The following FAT1 variants were observed in gnomAD, a reference collection of about 807,000 sequenced individuals.
FAT1 encodes FAT atypical cadherin 1, also known as protocadherin Fat 1.
In FAT1, 171 loss-of-function variants were observed where a neutral mutation model predicts 329.8. That is an observed-to-expected ratio of 0.52 (90% CI 0.46 to 0.59). The LOEUF (loss-of-function observed/expected upper bound fraction) is 0.59, where lower values mean the gene tolerates loss of function less well. FAT1 is among the 20% of genes least tolerant of loss of function. The pLI, the probability that FAT1 is intolerant of heterozygous loss-of-function variation, is 0.00. For synonymous variants in FAT1, 2,233 were observed against 2,228.6 expected (o/e 1.00, Z -0.06); for missense variants, 5,672 against 5,774.4 (o/e 0.98, Z 0.57).
At chr4:186,642,238 TA>T (rs1462123486) in intron 3 of FAT1, among the ~76,000 whole-genome samples, 1 of 152,166 alleles carries the variant, frequency 6.6e-6, no homozygotes, top group Non-Finnish European at 1.5e-5. Flanking sequence ...TTTAAACTTT[TA>T]AACTCACTGC....
At chr4:186,604,915 G>C (rs1579304770) in intron 17 of FAT1, among the ~76,000 whole-genome samples, 1 of 151,752 alleles carries the variant, frequency 6.6e-6, no homozygotes, top group African/African-American at 2.4e-5. Flanking sequence ...GAAGAGGACT[G>C]GAGGAGAAAA....
chr4:186,606,006 ACAGAGGCCAATGGAAAAGCT>A, intron 17 of FAT1, 44 bp downstream of exon 17: 1 of 1,479,188 alleles, frequency 6.8e-7, no homozygotes, highest in Non-Finnish European at 9.2e-7. Context: ...AAGAAAAGCA[ACAGAGGCCAATGGAAAAGCT>A]CATTTCAAAG....
chr4:186,660,209 A>C (rs191707226), intron 3 of FAT1, among the ~76,000 whole-genome samples: 29 of 152,066 alleles, frequency 1.9e-4, no homozygotes, highest in Non-Finnish European at 3.4e-4. Flanking sequence ...CAGCCTTCAC[A>C]ATCAGGCCGC....
rs535274560 is a variant in FAT1 at position 186,616,571 on chromosome 4, G to A, written c.9075+434C>T. 1.1e-3 allele frequency among the ~76,000 whole-genome samples: 168 copies of A among 152,084 alleles called. 1 individual carries two copies. The highest frequency in any genetic ancestry group is 2.5e-3 in the Admixed American group (39 of 15,298). On this transcript the variant is annotated intron_variant, in intron 11 of 26. Transcript: ENST00000441802. Reference sequence around the variant, plus strand: ...GTCTACTTTTAGTTCCCACTGAATGGTGAGCCGCGCAGATGCAGGAAGCAC... The same window carrying A: ...GTCTACTTTTAGTTCCCACTGAATGATGAGCCGCGCAGATGCAGGAAGCAC...
intron 17 of FAT1, among the ~76,000 whole-genome samples, chr4:186,605,749 A>G (rs1027657995): frequency 4.1e-5 from 6 of 146,936 alleles, no homozygotes; most frequent in African/African-American, 1.2e-4. Context: ...CTAGAAGAAG[A>G]GCAAGAGGGA....
At chr4:186,594,618 A>G (rs1165671046) in intron 26 of FAT1, among the ~76,000 whole-genome samples, 3 of 143,882 alleles carry the variant, frequency 2.1e-5, no homozygotes, top group Admixed American at 2.1e-4. Context: ...TATATACGGT[A>G]TCAAAATATA....
chr4:186,622,084 C>T (rs1275944585), intron 9 of FAT1, among the ~76,000 whole-genome samples: 1 of 152,226 alleles, frequency 6.6e-6, no homozygotes, highest in African/African-American at 2.4e-5. Context: ...AAAGACAAGG[C>T]TATCCTTCCA....
rs1158066949 is a variant in FAT1 at position 186,618,994 on chromosome 4, A to G, written c.7592T>C (p.Ile2531Thr). The change falls in exon 10 of 27, where the codon ATT becomes ACT. Residue 2531 changes from isoleucine (I) to threonine (T), a missense_variant. By Grantham distance (89) the Ile-to-Thr change is moderately conservative. Transcript: ENST00000441802. ...SGIYGHVTYH[I>T]VNDFAKDRFY... ...TCTGTCTTTGGCAAAGTCATTTACA[A>G]TATGGTAAGTAACGTGACCATAAAT... 1.2e-6 allele frequency: 2 copies of G among 1,614,004 alleles called. No homozygotes were observed. Among genetic ancestry groups the G allele is most frequent in the Admixed American group, 3.3e-5 (2 of 60,032 alleles).
rs1388942195 is a variant in FAT1, at chr4:186,620,483, T to C, written c.6103A>G (p.Thr2035Ala). The C allele has an allele frequency of 2.5e-6, 4 of 1,613,890 alleles. No homozygotes were observed. Among genetic ancestry groups the C allele is most frequent in the Non-Finnish European group, 3.4e-6 (4 of 1,179,894 alleles). ...TGCTCACGATCGAAGGGCGTGCCAGTGGTTGACAGAACTCCTGAAGTGCGG... is the reference window on the plus strand; with the variant it reads ...TGCTCACGATCGAAGGGCGTGCCAGCGGTTGACAGAACTCCTGAAGTGCGG... ...ISRTSGVLSTTGTPFDREQQE... is the reference protein window; with the variant it reads ...ISRTSGVLSTAGTPFDREQQE... Residue 2035 changes from threonine to alanine, a missense_variant, in exon 10 of 27, where the codon ACT (threonine) becomes GCT (alanine). Transcript: ENST00000441802.
chr4:186,598,602 T>A lies in FAT1; in HGVS notation c.12104-477A>T, dbSNP rs1019270065. The A allele has an allele frequency of 1.4e-4, 22 of 152,628 alleles. 2 individuals carry two copies. The highest frequency in any genetic ancestry group is 1.0e-3 in the Admixed American group (16 of 15,314). The allele number at this position is 152,628 out of a possible 1,614,324, so 9.5% of individuals were successfully genotyped here. A position where few individuals can be genotyped will look rare whatever the true frequency, so the allele number is the denominator to read the frequency against. ...TGGAGTGCAGTGGCGCAATCTCAGC[T>A]CATTGCATCCTCAAACTCCCGGGCT... On this transcript the variant is annotated intron_variant, in intron 22 of 26. Coordinates refer to ENST00000441802, the MANE Select transcript of FAT1 (RefSeq NM_005245.4).
chr4:186,649,172 T>C (rs1741513575), intron 3 of FAT1, among the ~76,000 whole-genome samples: 1 of 151,804 alleles, frequency 6.6e-6, no homozygotes, highest in African/African-American at 2.4e-5. Context: ...CTTCAACTGC[T>C]TATTAAGTCC....
At chr4:186,603,104 T>C (rs1248211045) in intron 19 of FAT1, 70 bp from the exon 20 acceptor site, 21 of 1,610,178 alleles carry the variant, frequency 1.3e-5, no homozygotes, top group East Asian at 2.2e-5. Context: ...CTTTCATGTA[T>C]AGCCATCAAA....
chr4:186,667,348 T>C (rs1742497857), intron 2 of FAT1, among the ~76,000 whole-genome samples: 1 of 152,182 alleles, frequency 6.6e-6, no homozygotes, highest in African/African-American at 2.4e-5. Context: ...CTACGGATAT[T>C]ACTAAAGGTT....
intron 3 of FAT1, among the ~76,000 whole-genome samples, chr4:186,656,053 G>C (rs191816471): frequency 6.6e-6 from 1 of 152,382 alleles, no homozygotes; most frequent in East Asian, 1.9e-4. Context: ...GGCCATACGG[G>C]ACCATGCCAG....
At chr4:186,639,451 C>T (rs1013566900) in intron 4 of FAT1, among the ~76,000 whole-genome samples, 1 of 152,138 alleles carries the variant, frequency 6.6e-6, no homozygotes, top group African/African-American at 2.4e-5. Flanking sequence ...CTGTTCGCCC[C>T]CTGTGTGTGC....
At chr4:186,704,231 A>T (rs1251650223) in intron 2 of FAT1, among the ~76,000 whole-genome samples, 5 of 152,252 alleles carry the variant, frequency 3.3e-5, no homozygotes, top group East Asian at 3.9e-4. Context: ...CACTGCCCAC[A>T]ATCCCAACAC....
intron 26 of FAT1, among the ~76,000 whole-genome samples, chr4:186,595,380 C>T (rs1174940324): frequency 6.6e-6 from 1 of 151,796 alleles, no homozygotes; most frequent in African/African-American, 2.4e-5. Context: ...AGATTTCTGA[C>T]AAACCCACAA....
chr4:186,634,118 G>A (rs1024651384), intron 6 of FAT1, among the ~76,000 whole-genome samples: 1 of 152,106 alleles, frequency 6.6e-6, no homozygotes, highest in South Asian at 2.1e-4. Flanking sequence ...CTTTTTCAGG[G>A]GTTCTGAATT....
At position 186,613,186 on chromosome 4, in the gene FAT1, G is replaced by A. The variant is rs1208705070; in HGVS notation, c.9386C>T (p.Pro3129Leu). The A allele has an allele frequency of 6.2e-7, 1 of 1,613,880 alleles. No homozygotes were observed. Among genetic ancestry groups the A allele is most frequent in the Admixed American group, 1.7e-5 (1 of 60,022 alleles). ...NDNAPEFSAD[P>L]YAITVFENTE... ...GTTTTCAAACACGGTGATGGCATAA[G>A]GATCGGCAGAGAATTCGGGGGCGTT... is the stretch of plus-strand genomic sequence containing the variant. The change falls in exon 13 of 27, where the codon CCT (proline) becomes CTT (leucine). Residue 3129 changes from proline to leucine, a missense_variant. Pro to Leu is a moderately conservative substitution (Grantham distance 98, BLOSUM62 -3). Transcript: ENST00000441802.
Sources: allele counts gnomAD v4.1 joint callset (sites outside exome capture counted in the v4.1 genomes callset), GRCh38; gene constraint gnomAD v4.1.1; transcripts MANE v1.5; gene names NCBI Gene and HGNC (gene_info 2026-07-23, HGNC 2026-07-21).